BCAP29: variants seen among roughly 807,000 people sequenced by gnomAD.
BCAP29 encodes B-cell receptor-associated protein 29.
Under a neutral mutation model 31.8 loss-of-function variants are expected in BCAP29, and 34 were observed. The ratio of observed to expected loss-of-function variants is 1.07; its 90% CI spans 0.81 to 1.42. The LOEUF (loss-of-function observed/expected upper bound fraction) is 1.42, where lower values mean the gene tolerates loss of function less well. BCAP29 is among the 40% of genes most tolerant of loss of function. The pLI is 0.00. For synonymous variants in BCAP29, 104 were observed against 91.3 expected (o/e 1.14, Z -0.79); for missense variants, 314 against 269.2 (o/e 1.17, Z -1.16).
At chr7:107,599,683 T>C (rs528858768) in intron 5 of BCAP29, among the ~76,000 whole-genome samples, 34 of 152,216 alleles carry the variant, frequency 2.2e-4, no homozygotes, top group African/African-American at 8.2e-4. Context: ...TGATGATAAT[T>C]ATAGTTTCTG....
At chr7:107,582,342 G>A (rs554798650) in intron 2 of BCAP29, among the ~76,000 whole-genome samples, 13 of 152,266 alleles carry the variant, frequency 8.5e-5, no homozygotes, top group African/African-American at 2.9e-4. Flanking sequence ...GTGTTCTCAT[G>A]TACAGATATA....
chr7:107,613,384 A>T lies in BCAP29; in HGVS notation c.642A>T (p.Arg214Ser). 6.2e-7 allele frequency: 1 copy of T among 1,613,378 alleles called. No homozygotes were observed. Among genetic ancestry groups the T allele is most frequent in the Non-Finnish European group, 8.5e-7 (1 of 1,179,454 alleles). The change falls in exon 7 of 8, where the codon AGA becomes AGT. Residue 214 changes from arginine (R) to serine (S), a missense_variant. By Grantham distance (110) the Arg-to-Ser change is moderately radical. Transcript: ENST00000005259. ...DVMEMKMQSE[R>S]LSKEYDQLLK... ...TGGAAATGAAGATGCAGTCAGAGAGACTTTCGAAAGAATATGATCAACTCC... is the reference window on the plus strand; with the variant it reads ...TGGAAATGAAGATGCAGTCAGAGAGTCTTTCGAAAGAATATGATCAACTCC...
chr7:107,601,069 T>G (rs1478047906), intron 6 of BCAP29, among the ~76,000 whole-genome samples: 1 of 152,130 alleles, frequency 6.6e-6, no homozygotes, highest in African/African-American at 2.4e-5. Flanking sequence ...TCCATTTTCC[T>G]GAAGGCAGCA....
At position 107,580,744 on chromosome 7, in the gene BCAP29, T is replaced by A; in HGVS notation, c.-14-15T>A. On this transcript the variant is annotated splice_polypyrimidine_tract_variant and intron_variant, in intron 1 of 7. Coordinates refer to ENST00000005259, the MANE Select transcript of BCAP29 (RefSeq NM_018844.4). ...TTGAAAGGAAGCAAGAGAAAATAAGTGTTTTTCCATTTAGGTGTGAAGAAA... is the reference window on the plus strand; with the variant it reads ...TTGAAAGGAAGCAAGAGAAAATAAGAGTTTTTCCATTTAGGTGTGAAGAAA... The A allele has an allele frequency of 1.3e-6, 2 of 1,538,006 alleles. No homozygotes were observed. Among genetic ancestry groups the A allele is most frequent in the Non-Finnish European group, 1.8e-6 (2 of 1,125,782 alleles).
downstream of BCAP29, chr7:107,621,882 A>G (rs193156110): frequency 3.7e-6 from 2 of 534,574 alleles, no homozygotes; most frequent in East Asian, 1.1e-4. Context: ...CAAGTTTGTG[A>G]TTATTTGTTA....
At chr7:107,603,005 C>CT (rs1811441695) in intron 6 of BCAP29, among the ~76,000 whole-genome samples, 1 of 112,022 alleles carries the variant, frequency 8.9e-6, no homozygotes, top group African/African-American at 3.5e-5. Context: ...AAGTCTCACT[C>CT]TGTCGCCCAG....
intron 3 of BCAP29, among the ~76,000 whole-genome samples, chr7:107,591,633 T>TACACACACACACACACACACACACAC (rs1808794899): frequency 4.9e-5 from 1 of 20,416 alleles, no homozygotes; most frequent in African/African-American, 3.1e-4. Context: ...CTTTTCCCCA[T>TACACACACACACACACACACACACAC]ACACACATAC....
At chr7:107,610,995 T>A (rs931451258) in intron 6 of BCAP29, among the ~76,000 whole-genome samples, 2 of 152,172 alleles carry the variant, frequency 1.3e-5, no homozygotes, top group African/African-American at 4.8e-5. Context: ...CTAAGAAGTC[T>A]GAGATCAAGG....
At chr7:107,597,531 A>C (rs892368722) in intron 5 of BCAP29, among the ~76,000 whole-genome samples, 1 of 152,198 alleles carries the variant, frequency 6.6e-6, no homozygotes, top group Non-Finnish European at 1.5e-5. Flanking sequence ...AATAGTTAAC[A>C]TTGTGCCAGG....
In BCAP29 at chr7:107,594,124, TAGA is replaced by T; in HGVS notation, c.344+22_344+24del. On this transcript the variant is annotated intron_variant, in intron 4 of 7. Transcript: ENST00000005259. ...TTTGGCTGTAAGTAAAAAATAATAATAGAAGCACAATTTAAAAACATGACTTAT... is the reference window on the plus strand; with the variant it reads ...TTTGGCTGTAAGTAAAAAATAATAATAGCACAATTTAAAAACATGACTTAT... The T allele has an allele frequency of 6.4e-7, 1 of 1,566,084 alleles. No individual in the cohort carries two copies.
chr7:107,590,186 C>A (rs544809335), intron 3 of BCAP29, among the ~76,000 whole-genome samples: 1 of 151,944 alleles, frequency 6.6e-6, no homozygotes, highest in Non-Finnish European at 1.5e-5. Context: ...GATTTAAAAT[C>A]GGTGATTTTA....
intron 3 of BCAP29, 29 bp from the exon 4 acceptor site, chr7:107,593,926 A>G: frequency 6.4e-7 from 1 of 1,556,908 alleles, no homozygotes; most frequent in Non-Finnish European, 8.7e-7. Context: ...TAAAAGCCAA[A>G]AGTACTGTTT....
At chr7:107,613,877 ATGT>A (rs1226653876) in intron 7 of BCAP29, 2 of 622,042 alleles carry the variant, frequency 3.2e-6, no homozygotes, top group Non-Finnish European at 2.8e-6. Context: ...TTACCTCCAA[ATGT>A]TGATTTGAAA....
chr7:107,592,274 A>G (rs1250836785), intron 3 of BCAP29, among the ~76,000 whole-genome samples: 1 of 152,238 alleles, frequency 6.6e-6, no homozygotes, highest in African/African-American at 2.4e-5. Flanking sequence ...AAAATGGGTA[A>G]AGGATCTGAA....
rs532271163 is a variant in BCAP29 at position 107,620,224 on chromosome 7, A to G, written c.*1861A>G. 1 of 152,234 alleles carries G rather than the reference A, an allele frequency of 6.6e-6. No individual in the cohort carries two copies. Among genetic ancestry groups the G allele is most frequent in the Non-Finnish European group, 1.5e-5 (1 of 68,050 alleles). The allele number at this position is 152,234 out of a possible 1,614,324, so 9.4% of individuals were successfully genotyped here. On this transcript the variant is annotated 3_prime_UTR_variant, in exon 8 of 8. Transcript: ENST00000005259. ...AACATTGATAGTTAGATTCAGGGCC[A>G]GGCTGTAAGTCTAGAATTTAGATAT...
chr7:107,610,041 T>G lies in BCAP29; in HGVS notation c.590-3291T>G, dbSNP rs1042958962. Reference sequence around the variant, plus strand: ...GATACAATACATTTACACGGTACATTAGTCTCACCAGCTCCTCCCACTTTT... The same window carrying G: ...GATACAATACATTTACACGGTACATGAGTCTCACCAGCTCCTCCCACTTTT... On this transcript the variant is annotated intron_variant, in intron 6 of 7. Transcript: ENST00000005259. Among the ~76,000 whole-genome samples the G allele has an allele frequency of 1.2e-4, 19 of 152,194 alleles. No homozygotes were observed. In the East Asian group the frequency reaches 3.1e-3, roughly 25 times the overall value.
intron 3 of BCAP29, among the ~76,000 whole-genome samples, 175 bp downstream of exon 3, chr7:107,584,157 T>A (rs1807202135): frequency 6.6e-6 from 1 of 152,244 alleles, no homozygotes; most frequent in Non-Finnish European, 1.5e-5. Context: ...CCATTCTGTA[T>A]GTTCAAGCTT....
At position 107,600,512 on chromosome 7, in the gene BCAP29, T is replaced by A; in HGVS notation, c.589+7T>A. 2 of 1,514,166 alleles carry A rather than the reference T, an allele frequency of 1.3e-6. No individual in the cohort carries two copies. The highest frequency in any genetic ancestry group is 2.8e-5 in the African/African-American group (2 of 72,464). 93.8% of individuals were successfully genotyped at this position (1,514,166 alleles called of 1,614,324 possible). On this transcript the variant is annotated splice_region_variant and intron_variant, in intron 6 of 7. Transcript: ENST00000005259. ...TTAAGGAAGACTTCAGATGGTAACT[T>A]TGTGTACATGTGAAAAAGTAAAAAG...
At chr7:107,613,666 G>A (rs1407689439) in intron 7 of BCAP29, 2 of 1,605,722 alleles carry the variant, frequency 1.2e-6, no homozygotes, top group South Asian at 2.2e-5. Context: ...TTCCAGTTTT[G>A]GTGAATTTTT....
Sources: allele counts gnomAD v4.1 joint callset (sites outside exome capture counted in the v4.1 genomes callset), GRCh38; gene constraint gnomAD v4.1.1; transcripts MANE v1.5; gene names NCBI Gene and HGNC (gene_info 2026-07-23, HGNC 2026-07-21).